The following FAF1 variants were observed in gnomAD, a reference collection of about 807,000 sequenced individuals.
The protein encoded by FAF1 is Fas associated factor 1, also known as FAS-associated factor 1.
A neutral mutation model predicts 92.5 loss-of-function variants in FAF1; 25 were observed. That is an observed-to-expected ratio of 0.27 (90% CI 0.20 to 0.38). FAF1 has a LOEUF of 0.38. Among genes scored for constraint, FAF1 ranks in the 10% least tolerant of loss-of-function variants. The pLI is 1.00. For synonymous variants in FAF1, 234 were observed against 273.2 expected, an observed-to-expected ratio of 0.86 and a Z score of 1.42; for missense variants, 636 against 793.3, an observed-to-expected ratio of 0.80 and a Z score of 2.38.
chr1:50,645,065 A>G (rs1654521775), intron 8 of FAF1, among the ~76,000 whole-genome samples: 1 of 152,108 alleles, frequency 6.6e-6, no homozygotes, highest in Non-Finnish European at 1.5e-5. Flanking sequence ...TGTTCTTTCC[A>G]TCTGTTTAGT....
At position 50,470,201 on chromosome 1, in the gene FAF1, T is replaced by C. The variant is rs969689004; in HGVS notation, c.1869+5263A>G. Among the ~76,000 whole-genome samples the C allele has an allele frequency of 3.3e-5, 5 of 152,362 alleles. No individual in the cohort carries two copies. The East Asian group carries it at 5.8e-4, about 18-fold the overall frequency. Reference sequence around the variant, plus strand: ...TACTGGTGCTTGCAGCTGCAATTTATTGCATTTACTAGGTGGTCTCTAATG... The same window carrying C: ...TACTGGTGCTTGCAGCTGCAATTTACTGCATTTACTAGGTGGTCTCTAATG... On this transcript the variant is annotated intron_variant, in intron 18 of 18. Coordinates refer to ENST00000396153, the MANE Select transcript of FAF1 (RefSeq NM_007051.3).
At chr1:50,503,679 A>C (rs1018421035) in intron 15 of FAF1, among the ~76,000 whole-genome samples, 2 of 152,094 alleles carry the variant, frequency 1.3e-5, no homozygotes, top group Admixed American at 6.6e-5. Flanking sequence ...TGGTATATCC[A>C]TGTGGTGGAA....
chr1:50,870,863 T>A (rs1272068583), intron 1 of FAF1, among the ~76,000 whole-genome samples: 7 of 152,156 alleles, frequency 4.6e-5, no homozygotes, highest in Non-Finnish European at 1.0e-4. Context: ...TCATTTTAAA[T>A]CAAAAGCTTA....
chr1:50,706,561 T>C (rs932168163), intron 6 of FAF1, among the ~76,000 whole-genome samples: 5 of 152,152 alleles, frequency 3.3e-5, no homozygotes, highest in Admixed American at 1.3e-4. Context: ...TAAGTCATGG[T>C]TCTATTTTTA....
chr1:50,737,085 C>T (rs1659170762), intron 6 of FAF1, among the ~76,000 whole-genome samples: 1 of 152,096 alleles, frequency 6.6e-6, no homozygotes. Context: ...GTTTTTTGTT[C>T]ACCTTTGAAC....
At chr1:50,784,142 T>C (rs1661280109) in intron 4 of FAF1, among the ~76,000 whole-genome samples, 1 of 152,186 alleles carries the variant, frequency 6.6e-6, no homozygotes, top group South Asian at 2.1e-4. Flanking sequence ...TAGGATACCT[T>C]CTCACCACTT....
chr1:50,884,991 T>A (rs1176866078), intron 1 of FAF1, among the ~76,000 whole-genome samples: 1 of 152,218 alleles, frequency 6.6e-6, no homozygotes, highest in African/African-American at 2.4e-5. Flanking sequence ...TTCTTTATGG[T>A]TGAATCTTGG....
At chr1:50,820,640 C>A (rs1056546106) in intron 2 of FAF1, among the ~76,000 whole-genome samples, 1 of 152,170 alleles carries the variant, frequency 6.6e-6, no homozygotes, top group Non-Finnish European at 1.5e-5. Context: ...TACCCTTTGA[C>A]CAACATCTCC....
At chr1:50,546,949 T>A (rs561962889) in intron 13 of FAF1, among the ~76,000 whole-genome samples, 1 of 152,126 alleles carries the variant, frequency 6.6e-6, no homozygotes, top group Non-Finnish European at 1.5e-5. Context: ...TTTGCAGTGG[T>A]GTGATATTGG....
intron 4 of FAF1, chr1:50,780,567 C>T: frequency 4.8e-6 from 1 of 207,050 alleles, no homozygotes; most frequent in Non-Finnish European, 9.8e-6. Context: ...CACAACATGC[C>T]AATCATCACT....
At chr1:50,649,410 C>T (rs1474479131) in intron 8 of FAF1, among the ~76,000 whole-genome samples, 1 of 152,104 alleles carries the variant, frequency 6.6e-6, no homozygotes, top group Non-Finnish European at 1.5e-5. Flanking sequence ...CTTGGCCTCC[C>T]AAAGTGCTGG....
chr1:50,486,880 G>T (rs1646775487), intron 17 of FAF1, among the ~76,000 whole-genome samples: 1 of 152,108 alleles, frequency 6.6e-6, no homozygotes, highest in Non-Finnish European at 1.5e-5. Flanking sequence ...GTAGAAAAAG[G>T]CAGTACTCAG....
At chr1:50,704,026 G>A (rs910854538) in intron 7 of FAF1, among the ~76,000 whole-genome samples, 4 of 152,026 alleles carry the variant, frequency 2.6e-5, no homozygotes, top group South Asian at 4.1e-4. Context: ...TATAATCACC[G>A]AACATTAATG....
chr1:50,897,626 G>A (rs967687261), intron 1 of FAF1, among the ~76,000 whole-genome samples: 5 of 152,000 alleles, frequency 3.3e-5, no homozygotes, highest in Non-Finnish European at 5.9e-5. Flanking sequence ...CTATAAAGTC[G>A]ACCTAAAAAC....
At position 50,819,631 on chromosome 1, in the gene FAF1, G is replaced by C. The variant is rs866680304; in HGVS notation, c.115-17954C>G. On this transcript the variant is annotated intron_variant, in intron 2 of 18. Coordinates refer to ENST00000396153, the MANE Select transcript of FAF1 (RefSeq NM_007051.3). ...ACAGAGCAAGACTGACCGACTGACTGACTCACTCACACACACACACACACA... is the reference window on the plus strand; with the variant it reads ...ACAGAGCAAGACTGACCGACTGACTCACTCACTCACACACACACACACACA... Among the ~76,000 whole-genome samples, 71 of 86,868 alleles carry C rather than the reference G, an allele frequency of 8.2e-4. 1 individual carries two copies. The highest frequency in any genetic ancestry group is 0.014 in the Middle Eastern group (2 of 140). 57.0% of individuals were successfully genotyped at this position (86,868 alleles called of 152,430 possible). A position where few individuals can be genotyped will look rare whatever the true frequency, so the allele number is the denominator to read the frequency against.
At chr1:50,588,471 C>T (rs1299678131) in intron 9 of FAF1, among the ~76,000 whole-genome samples, 1 of 152,110 alleles carries the variant, frequency 6.6e-6, no homozygotes, top group African/African-American at 2.4e-5. Context: ...TTACCTCTTC[C>T]AGACTTTATG....
intron 2 of FAF1, among the ~76,000 whole-genome samples, chr1:50,832,992 T>G (rs931664905): frequency 1.3e-5 from 2 of 152,088 alleles, no homozygotes; most frequent in Admixed American, 1.3e-4. Flanking sequence ...GAGAAGACAA[T>G]CACTCTACCA....
chr1:50,725,864 A>G (rs1658626797), intron 6 of FAF1, among the ~76,000 whole-genome samples: 1 of 152,220 alleles, frequency 6.6e-6, no homozygotes, highest in Non-Finnish European at 1.5e-5. Flanking sequence ...TCAAAGCCAT[A>G]GTTAAATGCA....
chr1:50,916,761 T>A (rs1475005659), intron 1 of FAF1, among the ~76,000 whole-genome samples: 1 of 152,146 alleles, frequency 6.6e-6, no homozygotes, highest in Non-Finnish European at 1.5e-5. Flanking sequence ...GTTTTAATAA[T>A]CAAATGCTGC....
Sources: allele counts gnomAD v4.1 joint callset (sites outside exome capture counted in the v4.1 genomes callset), GRCh38; gene constraint gnomAD v4.1.1; transcripts MANE v1.5; gene names NCBI Gene and HGNC (gene_info 2026-07-23, HGNC 2026-07-21).